The following CPAP variants were observed in gnomAD, a reference collection of about 807,000 sequenced individuals.
The protein encoded by CPAP is centrosome assembly and centriole elongation protein.
chr13:24,908,906 A>G, the CPAP span, among the ~76,000 whole-genome samples: 10 of 152,356 alleles, frequency 6.6e-5, no homozygotes, highest in African/African-American at 1.2e-4. Context: ...TGCTTGATGC[A>G]TACTGAAATA....
the CPAP span, chr13:24,906,268 AAATGATATT>A: frequency 6.2e-7 from 1 of 1,601,572 alleles, no homozygotes; most frequent in Admixed American, 1.8e-5. Context: ...AATTACTAGA[AAATGATATT>A]TCATCAGCAG....
At chr13:24,910,149 G>A in the CPAP span, 2 of 1,465,006 alleles carry the variant, frequency 1.4e-6, no homozygotes, top group Non-Finnish European at 1.9e-6. Flanking sequence ...TTTATCCCCA[G>A]TAGTGACCCC....
the CPAP span, among the ~76,000 whole-genome samples, chr13:24,895,231 G>A: frequency 2.0e-5 from 3 of 152,266 alleles, no homozygotes; most frequent in East Asian, 1.9e-4. Context: ...AGCCCCGGAG[G>A]AGCCCGGCTC....
the CPAP span, among the ~76,000 whole-genome samples, chr13:24,911,437 T>C: frequency 6.6e-6 from 1 of 152,166 alleles, no homozygotes; most frequent in South Asian, 2.1e-4. Context: ...ACAGAGTGGC[T>C]CCTACATGTA....
chr13:24,893,827 A>G, the CPAP span, among the ~76,000 whole-genome samples: 5 of 152,370 alleles, frequency 3.3e-5, no homozygotes, highest in East Asian at 9.6e-4. Flanking sequence ...TTTACAAAAT[A>G]TCTGTTATCA....
chr13:24,902,250 AAAC>A, the CPAP span, among the ~76,000 whole-genome samples: 11 of 152,276 alleles, frequency 7.2e-5, no homozygotes, highest in Non-Finnish European at 1.5e-4. Flanking sequence ...AAAAAACAAA[AAAC>A]AACAACAAAA....
the CPAP span, chr13:24,909,882 C>G: frequency 3.7e-6 from 6 of 1,613,780 alleles, no homozygotes; most frequent in Admixed American, 8.3e-5. Context: ...AGGAGACGCA[C>G]GTTTTGAAGT....
chr13:24,884,035 G>T, the CPAP span: 1 of 1,613,958 alleles, frequency 6.2e-7, no homozygotes, highest in Non-Finnish European at 8.5e-7. Flanking sequence ...GTTTTTAACA[G>T]TCTGGTCAGG....
At chr13:24,920,716 G>C in the CPAP span, among the ~76,000 whole-genome samples, 1 of 150,472 alleles carries the variant, frequency 6.6e-6, no homozygotes, top group African/African-American at 2.5e-5. Context: ...AGCCTCCCGG[G>C]TTCAAGCGAT....
the CPAP span, among the ~76,000 whole-genome samples, chr13:24,916,651 C>T: frequency 6.6e-6 from 1 of 152,282 alleles, no homozygotes; most frequent in East Asian, 1.9e-4. Flanking sequence ...TAAACTGGTA[C>T]AACATTTTGA....
chr13:24,912,503 G>T, the CPAP span: 1 of 1,231,248 alleles, frequency 8.1e-7, no homozygotes, highest in Non-Finnish European at 1.2e-6. Context: ...AAAACAAGAA[G>T]ACCTAGAACA....
At chr13:24,929,901 ATTTTT>A in the CPAP span, among the ~76,000 whole-genome samples, 1 of 100,928 alleles carries the variant, frequency 9.9e-6, no homozygotes, top group South Asian at 3.3e-4. Context: ...TCACTTGTGA[ATTTTT>A]TTTTTTTTTT....
chr13:24,902,108 T>G, the CPAP span, among the ~76,000 whole-genome samples: 1 of 152,090 alleles, frequency 6.6e-6, no homozygotes, highest in Non-Finnish European at 1.5e-5. Flanking sequence ...ACTAAGGAGG[T>G]AAACTTAAAA....
the CPAP span, chr13:24,905,945 G>A: frequency 1.2e-6 from 2 of 1,614,122 alleles, no homozygotes; most frequent in African/African-American, 2.7e-5. Flanking sequence ...GTCACTATTT[G>A]GAACACCTTC....
the CPAP span, among the ~76,000 whole-genome samples, chr13:24,895,561 G>A: frequency 1.3e-5 from 2 of 150,982 alleles, no homozygotes; most frequent in African/African-American, 4.9e-5. Context: ...CGTCAAGAAA[G>A]AAAAGAAAGA....
At chr13:24,910,120 T>C in the CPAP span, 34 of 1,598,454 alleles carry the variant, frequency 2.1e-5, 1 homozygote, top group South Asian at 3.4e-4. Flanking sequence ...AGCTGATGAC[T>C]TCCTTCAACA....
chr13:24,886,364 G>C, the CPAP span: 35 of 1,289,088 alleles, frequency 2.7e-5, no homozygotes, highest in Non-Finnish European at 3.4e-5. Context: ...GCTGCTGGGC[G>C]TGTGAGGCGG....
At chr13:24,908,084 T>C in the CPAP span, 3 of 1,613,104 alleles carry the variant, frequency 1.9e-6, no homozygotes, top group East Asian at 4.5e-5. Context: ...ATTTGCTTCC[T>C]GAATCTGTTC....
the CPAP span, chr13:24,883,514 TAC>T: frequency 1.1e-5 from 7 of 638,436 alleles, no homozygotes; most frequent in South Asian, 1.1e-4. Flanking sequence ...TGTAACTTTC[TAC>T]AGTGTTTCTG....
Sources: allele counts gnomAD v4.1 joint callset (sites outside exome capture counted in the v4.1 genomes callset), GRCh38; gene constraint gnomAD v4.1.1; transcripts MANE v1.5; gene names NCBI Gene and HGNC (gene_info 2026-07-23, HGNC 2026-07-21).